The following FSTL5 variants were observed in gnomAD, a reference collection of about 807,000 sequenced individuals.
FSTL5 encodes follistatin like 5.
FSTL5 carries 62 observed loss-of-function variants against 89.1 expected under a neutral mutation model. The observed-to-expected ratio is 0.70, with a 90% CI of 0.57 to 0.86. The LOEUF is 0.86. Among genes scored for constraint, FSTL5 ranks in the 40% least tolerant of loss-of-function variants. The pLI is 0.00. For missense variants in FSTL5, 1,057 were observed against 1,001.6 expected (o/e 1.06, Z -0.75); for synonymous variants, 383 against 346.2 (o/e 1.11, Z -1.18).
At chr4:161,717,961 G>T (rs1394327542) in intron 6 of FSTL5, among the ~76,000 whole-genome samples, 1 of 152,080 alleles carries the variant, frequency 6.6e-6, no homozygotes, top group Non-Finnish European at 1.5e-5. Context: ...TGTAATATGT[G>T]CAGTCACTTA....
chr4:162,149,987 A>T (rs1291210217), intron 1 of FSTL5, among the ~76,000 whole-genome samples: 1 of 152,106 alleles, frequency 6.6e-6, no homozygotes, highest in African/African-American at 2.4e-5. Context: ...TTTCCTCTAA[A>T]TTAAGGAAAT....
chr4:161,937,369 A>C (rs932412927), intron 3 of FSTL5, among the ~76,000 whole-genome samples: 1 of 152,166 alleles, frequency 6.6e-6, no homozygotes, highest in African/African-American at 2.4e-5. Flanking sequence ...ATAATTAATA[A>C]AATTATTAAA....
intron 12 of FSTL5, among the ~76,000 whole-genome samples, chr4:161,489,322 A>C (rs1729787515): frequency 6.6e-6 from 1 of 152,164 alleles, no homozygotes; most frequent in South Asian, 2.1e-4. Flanking sequence ...TCTGTTGGGA[A>C]AGGTAAACAT....
intron 4 of FSTL5, among the ~76,000 whole-genome samples, chr4:161,782,336 C>T (rs372143180): frequency 6.6e-6 from 1 of 152,234 alleles, no homozygotes; most frequent in East Asian, 1.9e-4. Context: ...TCCAAAGTGG[C>T]CGTACCATTT....
At chr4:161,980,135 AGAGAAAAG>A (rs1163980778) in intron 3 of FSTL5, among the ~76,000 whole-genome samples, 5 of 139,316 alleles carry the variant, frequency 3.6e-5, no homozygotes, top group Non-Finnish European at 6.2e-5. Flanking sequence ...AAAGAAAGAA[AGAGAAAAG>A]AAGGATAAAG....
At chr4:161,824,966 G>A (rs1464547480) in intron 4 of FSTL5, among the ~76,000 whole-genome samples, 1 of 152,052 alleles carries the variant, frequency 6.6e-6, no homozygotes. Context: ...TTCTTGTCTG[G>A]TTCAAATTCT....
intron 7 of FSTL5, among the ~76,000 whole-genome samples, chr4:161,631,079 T>C (rs1735488567): frequency 1.3e-5 from 2 of 152,202 alleles, no homozygotes; most frequent in South Asian, 2.1e-4. Flanking sequence ...TTTTTTTGTA[T>C]TGATTTAGGT....
intron 6 of FSTL5, among the ~76,000 whole-genome samples, chr4:161,721,103 C>T (rs1490469939): frequency 6.6e-6 from 1 of 151,362 alleles, no homozygotes; most frequent in Non-Finnish European, 1.5e-5. Flanking sequence ...AAGGTGAAAC[C>T]CCGTCTCTAC....
intron 13 of FSTL5, among the ~76,000 whole-genome samples, chr4:161,459,884 A>AT (rs1436718447): frequency 4.6e-5 from 7 of 151,862 alleles, no homozygotes; most frequent in Non-Finnish European, 1.0e-4. Flanking sequence ...CAGAAGAAAA[A>AT]AGAATTCTTT....
chr4:161,749,001 G>A (rs1222376214), intron 6 of FSTL5, among the ~76,000 whole-genome samples: 1 of 152,030 alleles, frequency 6.6e-6, no homozygotes, highest in Non-Finnish European at 1.5e-5. Flanking sequence ...AGTCAGAATG[G>A]CTATTACTAA....
chr4:161,943,030 G>C (rs894309544), intron 3 of FSTL5, among the ~76,000 whole-genome samples: 1 of 151,906 alleles, frequency 6.6e-6, no homozygotes, highest in African/African-American at 2.4e-5. Context: ...ACAAACTAGT[G>C]ATACATAATA....
chr4:162,109,826 T>C (rs150894546), intron 2 of FSTL5, among the ~76,000 whole-genome samples: 9 of 152,166 alleles, frequency 5.9e-5, no homozygotes, highest in African/African-American at 2.2e-4. Flanking sequence ...TAATTCCTCA[T>C]TTCAAGACAC....
intron 6 of FSTL5, among the ~76,000 whole-genome samples, chr4:161,669,111 CAAAAA>C (rs33950474): frequency 1.1e-3 from 120 of 104,666 alleles, no homozygotes; most frequent in African/African-American, 3.7e-3. Context: ...GACTCTGTCT[CAAAAA>C]AAAAAAAAAA....
chr4:162,070,726 C>CA (rs1218193355), intron 2 of FSTL5, among the ~76,000 whole-genome samples: 1 of 151,020 alleles, frequency 6.6e-6, no homozygotes, highest in Non-Finnish European at 1.5e-5. Flanking sequence ...CCTTACAGGC[C>CA]AAAAAAGAAC....
intron 4 of FSTL5, among the ~76,000 whole-genome samples, chr4:161,776,745 C>A (rs2126804873): frequency 6.6e-6 from 1 of 151,510 alleles, no homozygotes; most frequent in East Asian, 1.9e-4. Flanking sequence ...TAAATATGTA[C>A]ATAATGTCTG....
chr4:162,142,149 C>G (rs974040379), intron 1 of FSTL5, among the ~76,000 whole-genome samples: 83 of 151,878 alleles, frequency 5.5e-4, no homozygotes, highest in African/African-American at 1.9e-3. Flanking sequence ...AATTTAGGAC[C>G]TTGTTAAGAA....
At chr4:161,414,927 T>C (rs1174765182) in intron 15 of FSTL5, among the ~76,000 whole-genome samples, 2 of 152,194 alleles carry the variant, frequency 1.3e-5, no homozygotes, top group Non-Finnish European at 2.9e-5. Flanking sequence ...ATCTGAACTT[T>C]ACTGCTTTTC....
intron 3 of FSTL5, among the ~76,000 whole-genome samples, chr4:162,020,657 T>C (rs976616673): frequency 7.9e-5 from 12 of 152,030 alleles, no homozygotes; most frequent in Non-Finnish European, 1.5e-5. Context: ...GTAGGCCATT[T>C]GACTGTTCAT....
chr4:161,595,302 C>A lies in FSTL5; in HGVS notation c.895-7727G>T, dbSNP rs114749719. Among the ~76,000 whole-genome samples, 403 of 150,656 alleles carry A rather than the reference C, an allele frequency of 2.7e-3. 4 individuals carry two copies. Among genetic ancestry groups the A allele is most frequent in the African/African-American group, 9.2e-3 (378 of 40,996 alleles). The stretch of plus-strand genomic sequence containing the variant: ...GAGTTATGACCTTAGAACAGACACT[C>A]TGAATTCAGGGACAAAATCTTGCAC... On this transcript the variant is annotated intron_variant, in intron 7 of 15. Coordinates refer to ENST00000306100, the MANE Select transcript of FSTL5 (RefSeq NM_020116.5).
Sources: gnomAD v4.1 joint callset for allele counts (sites outside exome capture counted in the v4.1 genomes callset) on GRCh38, gnomAD v4.1.1 for gene constraint, MANE v1.5 for transcripts, NCBI Gene and HGNC (gene_info 2026-07-23, HGNC 2026-07-21) for gene names.